RYR2: variants seen among roughly 807,000 people sequenced by gnomAD.
RYR2 encodes the protein cardiac muscle ryanodine receptor-calcium release channel.
Under a neutral mutation model 601.1 loss-of-function variants are expected in RYR2, and 227 were observed. That is an observed-to-expected ratio of 0.38 (90% CI 0.34 to 0.42). RYR2 has a LOEUF of 0.42. Among genes scored for constraint, RYR2 ranks in the 10% least tolerant of loss-of-function variants. RYR2 has a pLI of 1.00. For missense variants in RYR2, 4,646 were observed against 6,156.5 expected (o/e 0.75, Z 8.21); for synonymous variants, 2,223 against 2,175.1 (o/e 1.02, Z -0.61).
intron 25 of RYR2, among the ~76,000 whole-genome samples, chr1:237,542,307 G>C (rs1203626111): frequency 6.6e-6 from 1 of 151,896 alleles, no homozygotes; most frequent in Non-Finnish European, 1.5e-5. Context: ...TGGTCAGGCT[G>C]GTCTCAAACT....
At chr1:237,553,225 C>A (rs577157304) in intron 27 of RYR2, among the ~76,000 whole-genome samples, 1 of 151,932 alleles carries the variant, frequency 6.6e-6, no homozygotes. Flanking sequence ...GGTGTGTGAT[C>A]TAAAGTGAGT....
At chr1:237,649,756 T>C in intron 49 of RYR2, 121 bp from the exon 50 acceptor site, 1 of 775,262 alleles carries the variant, frequency 1.3e-6, no homozygotes, top group Non-Finnish European at 2.1e-6. Flanking sequence ...AAGAATACAT[T>C]TCCATGTGTC....
intron 80 of RYR2, among the ~76,000 whole-genome samples, chr1:237,755,727 C>T (rs1167456360): frequency 6.6e-6 from 1 of 152,182 alleles, no homozygotes; most frequent in Non-Finnish European, 1.5e-5. Flanking sequence ...CATTGCATCT[C>T]TTATTCTTTG....
intron 1 of RYR2, among the ~76,000 whole-genome samples, chr1:237,108,872 T>C (rs1669088355): frequency 6.6e-6 from 1 of 152,230 alleles, no homozygotes; most frequent in Non-Finnish European, 1.5e-5. Flanking sequence ...CTTCTGTGTT[T>C]TGGGGTACTG....
Position 237,819,861 on chromosome 1 carries a change from C to T in RYR2, c.14590+669C>T, listed in dbSNP as rs1574082529. ...CCAACAACAACAACAACAACAAAAACTTCTAAGCCCTGTGGTTGTTGAGAT... is the reference window on the plus strand; with the variant it reads ...CCAACAACAACAACAACAACAAAAATTTCTAAGCCCTGTGGTTGTTGAGAT... On this transcript the variant is annotated intron_variant, in intron 101 of 104. Coordinates refer to ENST00000366574, the MANE Select transcript of RYR2 (RefSeq NM_001035.3). This position sits in a 1 kb window ranked among gnomAD's most constrained non-coding sequence, Gnocchi z 4.0. 6.6e-6 allele frequency among the ~76,000 whole-genome samples: 1 copy of T among 151,352 alleles called. No homozygotes were observed. The highest frequency in any genetic ancestry group is 2.4e-5 in the African/African-American group (1 of 41,044).
intron 35 of RYR2, among the ~76,000 whole-genome samples, chr1:237,603,009 C>T (rs559688734): frequency 1.1e-3 from 164 of 152,212 alleles, no homozygotes; most frequent in Middle Eastern, 3.4e-3. Flanking sequence ...GAAATGAATA[C>T]GCGAAGGCCC....
intron 1 of RYR2, among the ~76,000 whole-genome samples, chr1:237,146,593 T>C (rs1234416263): frequency 6.6e-6 from 1 of 152,216 alleles, no homozygotes; most frequent in African/African-American, 2.4e-5. Flanking sequence ...CTAGTTCAAT[T>C]GTGACAATGT....
At chr1:237,336,749 C>T (rs1045445573) in intron 3 of RYR2, among the ~76,000 whole-genome samples, 12 of 151,562 alleles carry the variant, frequency 7.9e-5, no homozygotes, top group East Asian at 7.8e-4. Flanking sequence ...CCCAGCTACT[C>T]GGGAGGCTGA....
chr1:237,377,736 AG>A (rs1184820448), intron 8 of RYR2, among the ~76,000 whole-genome samples: 17 of 152,336 alleles, frequency 1.1e-4, no homozygotes, highest in African/African-American at 4.1e-4. Context: ...CAGTCTAATC[AG>A]GAATTAAAAA....
intron 1 of RYR2, among the ~76,000 whole-genome samples, chr1:237,109,177 C>T (rs965862544): frequency 6.6e-6 from 1 of 151,086 alleles, no homozygotes; most frequent in Admixed American, 6.6e-5. Context: ...TACATATATA[C>T]ATATACATAT....
At chr1:237,236,128 G>A (rs1685527663) in intron 1 of RYR2, among the ~76,000 whole-genome samples, 1 of 152,190 alleles carries the variant, frequency 6.6e-6, no homozygotes, top group South Asian at 2.1e-4. Context: ...AAATTGGGAA[G>A]TGTTATTACT....
rs1404726980 is a variant in RYR2, at chr1:237,304,103, G to A, written c.169-26775G>A. Among the ~76,000 whole-genome samples the A allele has an allele frequency of 2.0e-4, 31 of 152,188 alleles. 1 individual carries two copies. The highest frequency in any genetic ancestry group is 1.9e-3 in the Admixed American group (29 of 15,262). The stretch of plus-strand genomic sequence containing the variant: ...CCAGCTTTGCAATAGGATGATTTCT[G>A]AGTGTGATATGATTCTTTTATAAGC... On this transcript the variant is annotated intron_variant, in intron 2 of 104. Coordinates refer to ENST00000366574, the MANE Select transcript of RYR2 (RefSeq NM_001035.3).
intron 25 of RYR2, among the ~76,000 whole-genome samples, chr1:237,536,490 G>A (rs1167340166): frequency 1.3e-5 from 2 of 152,164 alleles, no homozygotes; most frequent in Admixed American, 6.5e-5. Context: ...CGAGGCGGGC[G>A]GATCACGAGG....
intron 29 of RYR2, among the ~76,000 whole-genome samples, chr1:237,576,696 A>G (rs983478960): frequency 6.6e-6 from 1 of 152,194 alleles, no homozygotes; most frequent in African/African-American, 2.4e-5. Flanking sequence ...TAAAGGAAGC[A>G]GAAAAACAGT....
intron 29 of RYR2, among the ~76,000 whole-genome samples, chr1:237,585,630 T>G (rs1306386680): frequency 6.6e-6 from 1 of 152,230 alleles, no homozygotes; most frequent in Non-Finnish European, 1.5e-5. Context: ...TCTAGAAATA[T>G]TGGTTGTTTT....
intron 1 of RYR2, among the ~76,000 whole-genome samples, chr1:237,194,995 G>C (rs981444562): frequency 1.3e-5 from 2 of 152,114 alleles, no homozygotes; most frequent in African/African-American, 2.4e-5. Context: ...GCACCTATTA[G>C]GGCATCACTA....
In RYR2 at chr1:237,256,230, A is replaced by G. The variant is rs574002516; in HGVS notation, c.49-14267A>G. ...CATTTTCTCTTGCCTGCCGCCGTGT[A>G]AGATGTGCCTTTCGCCTTCTGCCAT... On this transcript the variant is annotated intron_variant, in intron 1 of 104. Transcript: ENST00000366574. Among the ~76,000 whole-genome samples the G allele has an allele frequency of 1.2e-4, 18 of 152,260 alleles. No homozygotes were observed. The East Asian group carries it at 3.1e-3, about 26-fold the overall frequency.
chr1:237,055,777 T>C (rs1661920527), intron 1 of RYR2, among the ~76,000 whole-genome samples: 1 of 152,128 alleles, frequency 6.6e-6, no homozygotes, highest in African/African-American at 2.4e-5. Context: ...TAATGGGAAA[T>C]AGGGTCTTTA....
chr1:237,303,741 A>G (rs1485258925), intron 2 of RYR2, among the ~76,000 whole-genome samples: 2 of 152,200 alleles, frequency 1.3e-5, no homozygotes, highest in Non-Finnish European at 2.9e-5. Context: ...AGTCTTTGCA[A>G]TCACATTGAG....
Sources: allele counts gnomAD v4.1 joint callset (sites outside exome capture counted in the v4.1 genomes callset), GRCh38; gene constraint gnomAD v4.1.1; non-coding constraint Gnocchi (gnomAD v3.1); transcripts MANE v1.5; gene names NCBI Gene and HGNC (gene_info 2026-07-23, HGNC 2026-07-21).